MSRA: variants seen among roughly 807,000 people sequenced by gnomAD.
MSRA encodes the protein methionine sulfoxide reductase A.
Under a neutral mutation model 31.3 loss-of-function variants are expected in MSRA, and 54 were observed. That is an observed-to-expected ratio of 1.73 (90% confidence interval 1.39 to 2.17). The LOEUF (loss-of-function observed/expected upper bound fraction) is 2.17, where lower values mean the gene tolerates loss of function less well. MSRA is among the 30% of genes most tolerant of loss of function. MSRA has a pLI of 0.00. For synonymous variants in MSRA, 169 were observed against 116.5 expected (o/e 1.45, Z -2.90); for missense variants, 507 against 300.9 (o/e 1.69, Z -5.07).
intron 2 of MSRA, among the ~76,000 whole-genome samples, 158 bp downstream of exon 2, chr8:10,208,059 C>A (rs529554620): frequency 6.6e-6 from 1 of 152,268 alleles, no homozygotes; most frequent in South Asian, 2.1e-4. Context: ...CTAGTAATTT[C>A]TGGGGTTGGA....
At chr8:10,409,241 G>A (rs901303290) in intron 5 of MSRA, among the ~76,000 whole-genome samples, 1 of 152,030 alleles carries the variant, frequency 6.6e-6, no homozygotes, top group Admixed American at 6.6e-5. Context: ...TTATTTTTTT[G>A]ACTTTTTAAT....
intron 5 of MSRA, among the ~76,000 whole-genome samples, chr8:10,378,863 T>C (rs1805897192): frequency 6.6e-6 from 1 of 152,176 alleles, no homozygotes; most frequent in African/African-American, 2.4e-5. Flanking sequence ...CCACGTGTGT[T>C]CCTCTTTTAT....
chr8:10,073,767 G>A (rs910951260), intron 1 of MSRA, among the ~76,000 whole-genome samples: 5 of 151,936 alleles, frequency 3.3e-5, no homozygotes, highest in Admixed American at 6.6e-5. Context: ...TTCTATCAAC[G>A]GTAGCATTTG....
chr8:10,173,914 A>G (rs1805816775), intron 1 of MSRA, among the ~76,000 whole-genome samples: 1 of 152,180 alleles, frequency 6.6e-6, no homozygotes, highest in Non-Finnish European at 1.5e-5. Flanking sequence ...ACCTGGGCTA[A>G]TGGTCCCAGC....
chr8:10,247,468 A>G (rs1219883864), intron 3 of MSRA, among the ~76,000 whole-genome samples: 2 of 152,140 alleles, frequency 1.3e-5, no homozygotes, highest in Non-Finnish European at 2.9e-5. Context: ...ATTTTTAATT[A>G]TATTAGTGTG....
chr8:10,120,158 G>A (rs189180609), intron 1 of MSRA, among the ~76,000 whole-genome samples: 3 of 152,252 alleles, frequency 2.0e-5, no homozygotes, highest in Admixed American at 6.5e-5. Flanking sequence ...ATTGATACAG[G>A]TCGTGCAACA....
chr8:10,386,208 C>T (rs887538537), intron 5 of MSRA, among the ~76,000 whole-genome samples: 1 of 152,168 alleles, frequency 6.6e-6, no homozygotes, highest in African/African-American at 2.4e-5. Flanking sequence ...AGAAGCTGGA[C>T]CTCGGAGAGG....
intron 1 of MSRA, among the ~76,000 whole-genome samples, chr8:10,152,138 G>C (rs144213295): frequency 6.6e-6 from 1 of 152,334 alleles, no homozygotes; most frequent in East Asian, 1.9e-4. Flanking sequence ...GTGTATTGCA[G>C]TGGAAAATCC....
At chr8:10,371,612 A>G (rs1326326378) in intron 5 of MSRA, among the ~76,000 whole-genome samples, 1 of 152,124 alleles carries the variant, frequency 6.6e-6, no homozygotes, top group Non-Finnish European at 1.5e-5. Context: ...TTAGCATGGC[A>G]TGCAAGGCTG....
At chr8:10,133,035 G>A (rs1445712426) in intron 1 of MSRA, among the ~76,000 whole-genome samples, 1 of 152,180 alleles carries the variant, frequency 6.6e-6, no homozygotes, top group Non-Finnish European at 1.5e-5. Flanking sequence ...AGTGCCTAGA[G>A]TGCCTTTTAA....
chr8:10,359,874 C>T (rs551298979), intron 5 of MSRA, among the ~76,000 whole-genome samples: 1 of 152,342 alleles, frequency 6.6e-6, no homozygotes, highest in South Asian at 2.1e-4. Flanking sequence ...TCTAACCTTA[C>T]AGCACTGTTC....
chr8:10,418,190 C>G (rs1808597277), intron 5 of MSRA, among the ~76,000 whole-genome samples: 1 of 152,176 alleles, frequency 6.6e-6, no homozygotes, highest in Non-Finnish European at 1.5e-5. Context: ...ACACTTAAGG[C>G]TAAATTCCTT....
At chr8:10,353,319 C>T (rs908207163) in intron 5 of MSRA, among the ~76,000 whole-genome samples, 7 of 152,194 alleles carry the variant, frequency 4.6e-5, no homozygotes, top group African/African-American at 1.7e-4. Context: ...CTGTTTAGCG[C>T]ACTCACCAAA....
intron 1 of MSRA, among the ~76,000 whole-genome samples, chr8:10,085,227 C>T (rs1234092734): frequency 2.0e-5 from 3 of 152,142 alleles, no homozygotes; most frequent in African/African-American, 7.2e-5. Flanking sequence ...CCTGAGCATT[C>T]CTGCCTTTGG....
chr8:10,197,167 C>T (rs930100005), intron 1 of MSRA, among the ~76,000 whole-genome samples: 5 of 152,048 alleles, frequency 3.3e-5, no homozygotes, highest in African/African-American at 1.2e-4. Flanking sequence ...TTTTGGTAGT[C>T]ATTAGGAATT....
At chr8:10,399,762 A>G (rs575144881) in intron 5 of MSRA, among the ~76,000 whole-genome samples, 23 of 152,312 alleles carry the variant, frequency 1.5e-4, no homozygotes, top group South Asian at 1.4e-3. Flanking sequence ...GGAGGGTGCA[A>G]TGGACGGCAG....
At chr8:10,303,131 C>T (rs2129126468) in intron 4 of MSRA, among the ~76,000 whole-genome samples, 1 of 152,348 alleles carries the variant, frequency 6.6e-6, no homozygotes, top group Non-Finnish European at 1.5e-5. Context: ...TCAGTGAAGA[C>T]ATGTATCAGA....
chr8:10,236,035 G>A (rs1811905505), intron 2 of MSRA, among the ~76,000 whole-genome samples: 1 of 152,132 alleles, frequency 6.6e-6, no homozygotes, highest in African/African-American at 2.4e-5. Context: ...GAGAACATAT[G>A]ATCATCTCAG....
chr8:10,264,153 G>C (rs1798622724), intron 3 of MSRA, among the ~76,000 whole-genome samples: 1 of 152,180 alleles, frequency 6.6e-6, no homozygotes, highest in Non-Finnish European at 1.5e-5. Flanking sequence ...TGTTCTTGTA[G>C]AAGCCAGTCT....
Sources: allele counts gnomAD v4.1 joint callset (sites outside exome capture counted in the v4.1 genomes callset), GRCh38; gene constraint gnomAD v4.1.1; transcripts MANE v1.5; gene names NCBI Gene and HGNC (gene_info 2026-07-23, HGNC 2026-07-21).